The following TFRC variants were observed in gnomAD, a reference collection of about 807,000 sequenced individuals.
TFRC encodes transferrin receptor protein 1.
TFRC carries 35 observed loss-of-function variants against 85.8 expected under a neutral mutation model. The ratio of observed to expected loss-of-function variants is 0.41; its 90% CI spans 0.31 to 0.54. The LOEUF is 0.54. TFRC is among the 20% of genes least tolerant of loss of function. The pLI, the probability that TFRC is intolerant of heterozygous loss-of-function variation, is 0.31. For synonymous variants in TFRC, 362 were observed against 328.6 expected, an observed-to-expected ratio of 1.10 and a Z score of -1.10; for missense variants, 828 against 921.5, an observed-to-expected ratio of 0.90 and a Z score of 1.31.
At chr3:196,060,582 A>C (rs1425041786) in intron 13 of TFRC, 1 of 204,292 alleles carries the variant, frequency 4.9e-6, no homozygotes, top group Non-Finnish European at 1.0e-5. Context: ...GTGGATCACA[A>C]GGTCAGGAGA....
Position 196,050,103 on chromosome 3 carries a change from C to T in TFRC, c.*1839G>A, listed in dbSNP as rs1560061098. 4 of 231,376 alleles carry T rather than the reference C, an allele frequency of 1.7e-5. No homozygotes were observed. The highest frequency in any genetic ancestry group is 3.4e-5 in the Non-Finnish European group (4 of 117,020). The allele number at this position is 231,376 out of a possible 1,614,324, so 14.3% of individuals were successfully genotyped here. On this transcript the variant is annotated 3_prime_UTR_variant, in exon 19 of 19. Transcript: ENST00000360110. Reference sequence around the variant, plus strand: ...GCCCCCAAACCTTCTATACAAAGTCCCTCTGCTTTAAGTCAAAAGGTCAAT... The same window carrying T: ...GCCCCCAAACCTTCTATACAAAGTCTCTCTGCTTTAAGTCAAAAGGTCAAT...
At chr3:196,069,594 GA>G (rs1384610370) in intron 6 of TFRC, 26 bp from the exon 7 acceptor site, 1 of 1,379,596 alleles carries the variant, frequency 7.2e-7, no homozygotes, top group Admixed American at 1.7e-5. Context: ...TAGATTTAAT[GA>G]GCATTATGGT....
intron 13 of TFRC, among the ~76,000 whole-genome samples, chr3:196,061,588 C>T (rs2284888): frequency 0.14 from 20,614 of 152,010 alleles, 2,879 homozygotes; most frequent in East Asian, 0.66. Flanking sequence ...CTCCCGGGTT[C>T]AAGTGATTCT....
chr3:196,056,814 AT>A (rs1336809995), intron 16 of TFRC, among the ~76,000 whole-genome samples: 3 of 152,234 alleles, frequency 2.0e-5, no homozygotes, highest in African/African-American at 7.2e-5. Context: ...ACATGCAATA[AT>A]TACATGTGTA....
At chr3:196,058,722 AAAT>A (rs1717029979) in intron 14 of TFRC, 90 bp from the exon 15 acceptor site, 1 of 836,284 alleles carries the variant, frequency 1.2e-6, no homozygotes, top group Admixed American at 2.6e-5. Context: ...AACAATTTTT[AAAT>A]AAAAAACTTG....
intron 18 of TFRC, 36 bp downstream of exon 18, chr3:196,053,382 A>G (rs368485807): frequency 1.4e-4 from 224 of 1,612,412 alleles, no homozygotes; most frequent in Non-Finnish European, 1.7e-4. Flanking sequence ...TATTTTACAC[A>G]TACTTTAGTT....
At chr3:196,059,185 G>A (rs1717068515) in intron 14 of TFRC, among the ~76,000 whole-genome samples, 1 of 152,092 alleles carries the variant, frequency 6.6e-6, no homozygotes. Context: ...GTGGTGGTGT[G>A]CACCTGTAGT....
intron 9 of TFRC, 47 bp downstream of exon 9, chr3:196,067,471 A>G (rs1254382080): frequency 6.4e-7 from 1 of 1,569,988 alleles, no homozygotes; most frequent in African/African-American, 1.4e-5. Context: ...GTTCTTCCCT[A>G]ATCATAAAAC....
intron 14 of TFRC, among the ~76,000 whole-genome samples, chr3:196,059,775 C>G (rs1717120873): frequency 8.3e-6 from 1 of 120,050 alleles, no homozygotes; most frequent in South Asian, 3.0e-4. Flanking sequence ...CCCCCCACCC[C>G]ACATAGGCAA....
intron 9 of TFRC, 106 bp from the exon 10 acceptor site, chr3:196,065,706 T>C: frequency 7.6e-7 from 1 of 1,311,524 alleles, no homozygotes; most frequent in Middle Eastern, 2.3e-4. Flanking sequence ...CAAAACTTAC[T>C]CTCAGCCCGG....
intron 7 of TFRC, among the ~76,000 whole-genome samples, 199 bp downstream of exon 7, chr3:196,069,256 T>C (rs1321116569): frequency 1.3e-5 from 2 of 152,214 alleles, no homozygotes; most frequent in African/African-American, 2.4e-5. Context: ...TACAGAGAAA[T>C]AGCTTTCACT....
chr3:196,067,499 C>T lies in TFRC; in HGVS notation c.1040+19G>A, dbSNP rs754600896. The stretch of plus-strand genomic sequence containing the variant: ...CATAAAACCTCACTATGCAAGACCG[C>T]TTTCAAATAAAAACTTACCCAAACA... On this transcript the variant is annotated intron_variant, in intron 9 of 18. Coordinates refer to ENST00000360110, the MANE Select transcript of TFRC (RefSeq NM_001128148.3). 1.9e-6 allele frequency: 3 copies of T among 1,611,610 alleles called. No homozygotes were observed. Among genetic ancestry groups the T allele is most frequent in the Non-Finnish European group, 2.5e-6 (3 of 1,178,644 alleles).
At chr3:196,058,399 T>G (rs745873314) in intron 15 of TFRC, 34 bp from the exon 16 acceptor site, 1 of 1,594,806 alleles carries the variant, frequency 6.3e-7, no homozygotes, top group Non-Finnish European at 8.6e-7. Flanking sequence ...TTAGAAAGTG[T>G]TTTAAAGAAT....
intron 14 of TFRC, among the ~76,000 whole-genome samples, 160 bp downstream of exon 14, chr3:196,060,020 T>C (rs909156228): frequency 6.6e-6 from 1 of 152,210 alleles, no homozygotes; most frequent in African/African-American, 2.4e-5. Flanking sequence ...TCATCTCATA[T>C]GGTTCAATAG....
At chr3:196,055,057 A>T (rs1427836895) in intron 17 of TFRC, 23 bp downstream of exon 17, 1 of 1,606,330 alleles carries the variant, frequency 6.2e-7, no homozygotes, top group Non-Finnish European at 8.5e-7. Flanking sequence ...CAAAATAAAA[A>T]CGTAATTGGA....
rs1718448034 is a variant in TFRC, at chr3:196,074,017, A to T, written c.347T>A (p.Phe116Tyr). The T allele has an allele frequency of 6.2e-7, 1 of 1,614,140 alleles. No homozygotes were observed. The highest frequency in any genetic ancestry group is 8.5e-7 in the Non-Finnish European group (1 of 1,180,028). The change falls in exon 4 of 19, where the codon TTC becomes TAC. Residue 116 changes from phenylalanine to tyrosine, a missense_variant. Coordinates refer to ENST00000360110, the MANE Select transcript of TFRC (RefSeq NM_001128148.3). ...CCAATATAAGCGACGTGCTGCAGGG[A>T]AGTCCTCTCCTGGCTCCTCCCTCAC... The part of the protein sequence containing the change: ...SPVREEPGED[F>Y]PAARRLYWDD...
chr3:196,053,292 A>G (rs573225031), intron 18 of TFRC, 126 bp downstream of exon 18: 1 of 1,052,632 alleles, frequency 9.5e-7, no homozygotes, highest in Admixed American at 2.2e-5. Flanking sequence ...AATGACAGCT[A>G]AACCATTAAT....
At chr3:196,065,404 A>T in intron 10 of TFRC, 39 bp downstream of exon 10, 1 of 983,432 alleles carries the variant, frequency 1.0e-6, no homozygotes, top group Non-Finnish European at 1.3e-6. Flanking sequence ...AAGAAAACAA[A>T]AAAAAAGCGG....
intron 6 of TFRC, 56 bp downstream of exon 6, chr3:196,071,335 AAAGAT>A (rs1251922822): frequency 5.6e-5 from 83 of 1,469,576 alleles, no homozygotes; most frequent in Non-Finnish European, 6.9e-5. Flanking sequence ...TAAGAACAGA[AAAGAT>A]GAGTTTTGAA....
Sources: gnomAD v4.1 joint callset for allele counts (sites outside exome capture counted in the v4.1 genomes callset) on GRCh38, gnomAD v4.1.1 for gene constraint, MANE v1.5 for transcripts, NCBI Gene and HGNC (gene_info 2026-07-23, HGNC 2026-07-21) for gene names.